Variants in NIPBL observed in about 807,000 individuals in gnomAD.
NIPBL encodes NIPBL cohesin loading factor.
NIPBL carries 19 observed loss-of-function variants against 321.8 expected under a neutral mutation model. That is an observed-to-expected ratio of 0.06 (90% CI 0.04 to 0.09). The LOEUF is 0.09. Ranked by LOEUF, NIPBL falls within the 10% of genes least tolerant of loss-of-function variation. The probability of loss-of-function intolerance (pLI) is 1.00; values close to 1 mark genes in which losing one functional copy is unlikely to be tolerated. For synonymous variants in NIPBL, 1,106 were observed against 1,114.1 expected (o/e 0.99, Z 0.14); for missense variants, 2,210 against 3,327.0 (o/e 0.66, Z 8.26).
chr5:36,975,312 T>C lies in NIPBL; in HGVS notation c.869-464T>C, dbSNP rs533036061. On this transcript the variant is annotated intron_variant, in intron 8 of 46. Transcript: ENST00000282516. ...CCAGTAGTATTCATGTAAGATAGTC[T>C]CTAGGATTAAATTGTTATTTTTGTG... 2.6e-5 allele frequency among the ~76,000 whole-genome samples: 4 copies of C among 152,212 alleles called. No homozygotes were observed. The East Asian group carries it at 7.7e-4, about 29-fold the overall frequency.
At chr5:36,911,498 A>G (rs1033548877) in intron 1 of NIPBL, among the ~76,000 whole-genome samples, 1 of 152,084 alleles carries the variant, frequency 6.6e-6, no homozygotes, top group African/African-American at 2.4e-5. Flanking sequence ...CCCTCTTCTG[A>G]TCTTACTTGA....
intron 2 of NIPBL, 41 bp downstream of exon 2, chr5:36,953,801 G>A (rs1444167778): frequency 1.3e-6 from 2 of 1,496,212 alleles, no homozygotes; most frequent in Non-Finnish European, 9.3e-7. Context: ...TCTACTGTGT[G>A]TTAACAATAA....
intron 44 of NIPBL, among the ~76,000 whole-genome samples, chr5:37,060,126 G>A (rs934171842): frequency 1.3e-5 from 2 of 152,212 alleles, no homozygotes; most frequent in Non-Finnish European, 2.9e-5. Flanking sequence ...TAGGCATAAT[G>A]TGGCTAGAGC....
At chr5:37,029,567 A>G (rs1301945039) in intron 32 of NIPBL, among the ~76,000 whole-genome samples, 1 of 151,920 alleles carries the variant, frequency 6.6e-6, no homozygotes, top group Non-Finnish European at 1.5e-5. Context: ...GTTTTCATTT[A>G]TCTTGGGTAA....
intron 21 of NIPBL, among the ~76,000 whole-genome samples, chr5:37,012,070 C>A (rs1266979309): frequency 6.6e-6 from 1 of 151,002 alleles, no homozygotes; most frequent in Non-Finnish European, 1.5e-5. Context: ...AGCCCCTTTT[C>A]CTATAGTTAT....
In NIPBL at chr5:36,986,292, T is replaced by A. The variant is rs747918239; in HGVS notation, c.3112T>A (p.Ser1038Thr). The change falls in exon 10 of 47, where the codon TCA (serine) becomes ACA (threonine). Residue 1038 changes from serine to threonine, a missense_variant. Transcript: ENST00000282516. ...ACCTATCAAGAATAAACCATCAAAG[T>A]CAAATAAAGGTAAGAATACTTCTAC... ...LKPIKNKPSK[S>T]NKGSIDQSVL... is the part of the protein sequence containing the mutation. 6 of 1,507,724 alleles carry A rather than the reference T, an allele frequency of 4.0e-6. No homozygotes were observed. The highest frequency in any genetic ancestry group is 5.3e-6 in the Non-Finnish European group (6 of 1,133,880). The allele number at this position is 1,507,724 out of a possible 1,614,324, so 93.4% of individuals were successfully genotyped here.
chr5:36,955,633 C>G lies in NIPBL; in HGVS notation c.226C>G (p.His76Asp), dbSNP rs1387690193. 1 of 1,613,226 alleles carries G rather than the reference C, an allele frequency of 6.2e-7. No homozygotes were observed. Among genetic ancestry groups the G allele is most frequent in the Non-Finnish European group, 8.5e-7 (1 of 1,179,536 alleles). The change falls in exon 3 of 47, where the codon CAC (histidine) becomes GAC (aspartate). Residue 76 changes from histidine (H) to aspartate (D), a missense_variant. His to Asp is a moderately conservative substitution (Grantham distance 81, BLOSUM62 -1). Coordinates refer to ENST00000282516, the MANE Select transcript of NIPBL (RefSeq NM_133433.4). Reference sequence around the variant, plus strand: ...TAGCCTCAACCAGGTATCAACAGATCACATGTAAGTATGATCAATTTTATA... The same window carrying G: ...TAGCCTCAACCAGGTATCAACAGATGACATGTAAGTATGATCAATTTTATA... ...VHSLNQVSTD[H>D]IELKDNLGSD...
intron 16 of NIPBL, among the ~76,000 whole-genome samples, chr5:37,005,543 C>T (rs1159673077): frequency 6.6e-6 from 1 of 152,086 alleles, no homozygotes; most frequent in East Asian, 1.9e-4. Context: ...CAGCAATGTT[C>T]GCATCAAAGA....
chr5:37,029,500 G>A (rs1006661813), intron 32 of NIPBL, among the ~76,000 whole-genome samples: 3 of 151,970 alleles, frequency 2.0e-5, no homozygotes, highest in Non-Finnish European at 4.4e-5. Flanking sequence ...TCCAGTTTGG[G>A]GTGTTATGAA....
At chr5:37,044,238 TG>T in intron 34 of NIPBL, 108 bp from the exon 35 acceptor site, 1 of 972,126 alleles carries the variant, frequency 1.0e-6, no homozygotes, top group Non-Finnish European at 1.5e-6. Context: ...TTTTTTTAAC[TG>T]GACCTTTACG....
chr5:36,926,207 C>T (rs553425013), intron 1 of NIPBL, among the ~76,000 whole-genome samples: 5 of 152,348 alleles, frequency 3.3e-5, no homozygotes, highest in African/African-American at 9.6e-5. Flanking sequence ...ATGTTACTGA[C>T]TGTTCCAGTT....
chr5:36,899,987 T>A (rs114920098), intron 1 of NIPBL, among the ~76,000 whole-genome samples: 121 of 152,298 alleles, frequency 7.9e-4, no homozygotes, highest in African/African-American at 2.7e-3. Context: ...ATAGAAAAAG[T>A]CTTCGCTAAA....
intron 9 of NIPBL, among the ~76,000 whole-genome samples, chr5:36,980,409 C>T (rs539757321): frequency 6.6e-6 from 1 of 151,624 alleles, no homozygotes; most frequent in African/African-American, 2.4e-5. Context: ...AGCCACTTTC[C>T]TCTTATTTCG....
intron 21 of NIPBL, among the ~76,000 whole-genome samples, chr5:37,013,800 C>T (rs549672303): frequency 1.6e-4 from 24 of 152,070 alleles, no homozygotes; most frequent in African/African-American, 5.5e-4. Flanking sequence ...ACTTCCCAGA[C>T]GGGTTGGCGG....
At chr5:37,037,327 G>T (rs771111755) in intron 33 of NIPBL, among the ~76,000 whole-genome samples, 8 of 150,808 alleles carry the variant, frequency 5.3e-5, no homozygotes, top group Admixed American at 2.6e-4. Context: ...GGCAGAGCTT[G>T]CAGTGAGCCA....
chr5:37,003,569 T>A (rs1747073161), intron 16 of NIPBL, among the ~76,000 whole-genome samples: 1 of 152,296 alleles, frequency 6.6e-6, no homozygotes, highest in Non-Finnish European at 1.5e-5. Flanking sequence ...ATCTTAGGTA[T>A]GTATGTATAG....
Position 37,059,091 on chromosome 5 carries a change from A to G in NIPBL, c.7611A>G (p.Ala2537=), listed in dbSNP as rs772525236. Residue 2537 remains alanine (A), a synonymous_variant, in exon 44 of 47, where the codon GCA becomes GCG. Transcript: ENST00000282516. ...PENSAPLIEF[A]NVSQGILLLL... ...ATTCAGCTCCTTTAATCGAATTTGCAAATGTGTCCCAGGGTATTTTATTAC... is the reference window on the plus strand; with the variant it reads ...ATTCAGCTCCTTTAATCGAATTTGCGAATGTGTCCCAGGGTATTTTATTAC... 4 of 1,614,214 alleles carry G rather than the reference A, an allele frequency of 2.5e-6. No individual in the cohort carries two copies. In the South Asian group the frequency reaches 3.3e-5, roughly 13 times the overall value.
At chr5:37,026,519 C>G (rs1263095393) in intron 31 of NIPBL, among the ~76,000 whole-genome samples, 192 bp downstream of exon 31, 1 of 152,114 alleles carries the variant, frequency 6.6e-6, no homozygotes, top group Non-Finnish European at 1.5e-5. Context: ...CCATATAGCC[C>G]TACTTCTTGG....
Position 36,953,696 on chromosome 5 carries a change from G to A in NIPBL, c.-1G>A. On this transcript the variant is annotated 5_prime_UTR_variant, in exon 2 of 47. Coordinates refer to ENST00000282516, the MANE Select transcript of NIPBL (RefSeq NM_133433.4). ...AGGCAACACCATTCCAGAAATTCAG[G>A]ATGAATGGGGATATGCCCCATGTCC... The A allele has an allele frequency of 6.2e-7, 1 of 1,613,646 alleles. No homozygotes were observed.
Sources: gnomAD v4.1 joint callset for allele counts (sites outside exome capture counted in the v4.1 genomes callset) on GRCh38, gnomAD v4.1.1 for gene constraint, MANE v1.5 for transcripts, NCBI Gene and HGNC (gene_info 2026-07-23, HGNC 2026-07-21) for gene names.